The following MAGI3 variants were observed in gnomAD, a reference collection of about 807,000 sequenced individuals.
MAGI3 encodes the protein membrane-associated guanylate kinase, WW and PDZ domain-containing protein 3.
A neutral mutation model predicts 121.8 loss-of-function variants in MAGI3; 43 were observed. That is an observed-to-expected ratio of 0.35 (90% confidence interval 0.28 to 0.46). The LOEUF (loss-of-function observed/expected upper bound fraction) is 0.46, where lower values mean the gene tolerates loss of function less well. Among genes scored for constraint, MAGI3 ranks in the 20% least tolerant of loss-of-function variants. The probability of loss-of-function intolerance (pLI) is 1.00; values close to 1 mark genes in which losing one functional copy is unlikely to be tolerated. For synonymous variants in MAGI3, 553 were observed against 639.3 expected (o/e 0.86, Z 2.04); for missense variants, 1,547 against 1,797.3 (o/e 0.86, Z 2.52).
At chr1:113,599,326 G>A (rs980229187) in intron 6 of MAGI3, among the ~76,000 whole-genome samples, 1 of 151,778 alleles carries the variant, frequency 6.6e-6, no homozygotes, top group Non-Finnish European at 1.5e-5. Context: ...CCACTAGCAA[G>A]ACTAATAAAG....
chr1:113,677,441 C>T (rs1647943840), intron 19 of MAGI3, among the ~76,000 whole-genome samples: 1 of 152,172 alleles, frequency 6.6e-6, no homozygotes, highest in African/African-American at 2.4e-5. Flanking sequence ...ACAGTGTGAC[C>T]CAGGTATGAC....
At chr1:113,650,374 CTTTT>C (rs1653089815) in intron 13 of MAGI3, among the ~76,000 whole-genome samples, 1 of 152,212 alleles carries the variant, frequency 6.6e-6, no homozygotes, top group Non-Finnish European at 1.5e-5. Flanking sequence ...AGAAACCTTT[CTTTT>C]CTCTTAAATG....
intron 1 of MAGI3, among the ~76,000 whole-genome samples, chr1:113,396,123 T>A (rs1651102420): frequency 6.6e-6 from 1 of 152,194 alleles, no homozygotes; most frequent in Admixed American, 6.5e-5. Context: ...CAGTGCCTAA[T>A]CTTCTCAAGT....
rs976349679 is a variant in MAGI3, at chr1:113,423,303, G to A, written c.316+31954G>A. On this transcript the variant is annotated intron_variant, in intron 1 of 20. Transcript: ENST00000307546. Reference sequence around the variant, plus strand: ...GTTTTTGTTTTTGAGACGTAGTCTCGCACTTTTGCCCAGGCTGGAGTGCAG... The same window carrying A: ...GTTTTTGTTTTTGAGACGTAGTCTCACACTTTTGCCCAGGCTGGAGTGCAG... 1.7e-4 allele frequency among the ~76,000 whole-genome samples: 25 copies of A among 147,910 alleles called. No homozygotes were observed. The South Asian group carries it at 1.8e-3, about 10-fold the overall frequency.
intron 9 of MAGI3, among the ~76,000 whole-genome samples, chr1:113,641,015 G>GATATATGATATATA (rs1349234557): frequency 1.0e-5 from 1 of 100,376 alleles, no homozygotes; most frequent in Non-Finnish European, 1.9e-5. Context: ...TAATATATAT[G>GATATATGATATATA]ATATATAATA....
At position 113,437,851 on chromosome 1, in the gene MAGI3, CTTCTTCTTCTTCCTCTT is replaced by C. The variant is rs1557756962; in HGVS notation, c.316+46503_316+46519del. ...TCTTCTTCTTCTTCTTCTTCTTCTT[CTTCTTCTTCTTCCTCTT>C]CTTCTTCTTCTCCTTCTCCTTCTCC... On this transcript the variant is annotated intron_variant, in intron 1 of 20. Transcript: ENST00000307546. 7.2e-3 allele frequency among the ~76,000 whole-genome samples: 402 copies of C among 55,966 alleles called. 8 individuals are homozygous for C. The highest frequency in any genetic ancestry group is 0.013 in the Middle Eastern group (2 of 152). 36.7% of individuals were successfully genotyped at this position (55,966 alleles called of 152,430 possible).
intron 1 of MAGI3, chr1:113,450,459 A>G: frequency 1.8e-6 from 2 of 1,108,282 alleles, no homozygotes; most frequent in Non-Finnish European, 2.7e-6. Context: ...AGAGGGGGCT[A>G]TGGTGGTGGT....
In MAGI3 at chr1:113,450,427, G is replaced by A. The variant is rs1654420123; in HGVS notation, c.316+59078G>A. ...TTTGGAGGTGATGGTGGCAACTATG[G>A]TGTGGTCCTGGTTATAGTAGTAGAG... On this transcript the variant is annotated intron_variant, in intron 1 of 20. Coordinates refer to ENST00000307546, the MANE Select transcript of MAGI3 (RefSeq NM_001142782.2). 5 of 1,137,090 alleles carry A rather than the reference G, an allele frequency of 4.4e-6. No individual in the cohort carries two copies. The African/African-American group carries it at 4.6e-5, about 10-fold the overall frequency. The allele number at this position is 1,137,090 out of a possible 1,614,324, so 70.4% of individuals were successfully genotyped here.
intron 1 of MAGI3, among the ~76,000 whole-genome samples, chr1:113,517,904 C>G (rs1211186223): frequency 6.6e-6 from 1 of 151,910 alleles, no homozygotes; most frequent in African/African-American, 2.4e-5. Flanking sequence ...TACCCTCTTT[C>G]TCTCACTATG....
At chr1:113,573,147 G>A (rs1235189856) in intron 2 of MAGI3, among the ~76,000 whole-genome samples, 2 of 151,640 alleles carry the variant, frequency 1.3e-5, no homozygotes, top group Non-Finnish European at 2.9e-5. Context: ...GGATGGTCTC[G>A]ATCTCCTGAC....
chr1:113,477,461 G>T (rs982045451), intron 1 of MAGI3, among the ~76,000 whole-genome samples: 3 of 152,068 alleles, frequency 2.0e-5, no homozygotes, highest in Admixed American at 6.6e-5. Flanking sequence ...GTCTGTATAG[G>T]ATTTTATTTC....
At chr1:113,651,595 C>A (rs1312957060) in intron 14 of MAGI3, among the ~76,000 whole-genome samples, 8 of 152,028 alleles carry the variant, frequency 5.3e-5, no homozygotes, top group Non-Finnish European at 7.4e-5. Flanking sequence ...TGGGTTCAAG[C>A]GATTCTCCTG....
chr1:113,392,766 A>AT (rs1460040263), intron 1 of MAGI3, among the ~76,000 whole-genome samples: 1 of 152,072 alleles, frequency 6.6e-6, no homozygotes, highest in Non-Finnish European at 1.5e-5. Flanking sequence ...GAATTTGTAA[A>AT]TTTTTTTCTT....
chr1:113,638,700 A>C (rs1400440403), intron 9 of MAGI3, among the ~76,000 whole-genome samples: 12 of 151,898 alleles, frequency 7.9e-5, no homozygotes, highest in Admixed American at 7.9e-4. Context: ...CCACTTGAGG[A>C]GGCAGTCTGC....
intron 15 of MAGI3, among the ~76,000 whole-genome samples, chr1:113,655,964 CT>C (rs946875078): frequency 6.6e-6 from 1 of 152,012 alleles, no homozygotes; most frequent in African/African-American, 2.4e-5. Flanking sequence ...TAAAAAAAAA[CT>C]TTTAAAAGTT....
intron 1 of MAGI3, among the ~76,000 whole-genome samples, chr1:113,407,716 T>G (rs1011711699): frequency 6.6e-6 from 1 of 152,106 alleles, no homozygotes; most frequent in Non-Finnish European, 1.5e-5. Context: ...TAGTTACTGG[T>G]GAATCTAGGA....
At chr1:113,513,635 A>G (rs1377709348) in intron 1 of MAGI3, among the ~76,000 whole-genome samples, 2 of 152,204 alleles carry the variant, frequency 1.3e-5, no homozygotes, top group Non-Finnish European at 2.9e-5. Context: ...TTCAAGATGG[A>G]TTAAAGACTT....
In MAGI3 at chr1:113,590,304, A is replaced by G. The variant is rs147028995; in HGVS notation, c.764-180A>G. Among the ~76,000 whole-genome samples the G allele has an allele frequency of 1.1e-4, 16 of 152,258 alleles. No homozygotes were observed. In the East Asian group the frequency reaches 2.3e-3, roughly 22 times the overall value. On this transcript the variant is annotated intron_variant, in intron 4 of 20. Transcript: ENST00000307546. ...TGCTATACAGAGTTAATTGTCAATT[A>G]CTAGGGGAAAAGAGTTGAATATGTT...
At chr1:113,465,656 T>G (rs1655247926) in intron 1 of MAGI3, among the ~76,000 whole-genome samples, 1 of 152,184 alleles carries the variant, frequency 6.6e-6, no homozygotes, top group Non-Finnish European at 1.5e-5. Flanking sequence ...TTTCAATTTT[T>G]TTGGCATCCT....
Sources: gnomAD v4.1 joint callset for allele counts (sites outside exome capture counted in the v4.1 genomes callset) on GRCh38, gnomAD v4.1.1 for gene constraint, MANE v1.5 for transcripts, NCBI Gene and HGNC (gene_info 2026-07-23, HGNC 2026-07-21) for gene names.